Variants in AKT3 observed in about 807,000 individuals in gnomAD.
AKT3 encodes AKT serine/threonine kinase 3, also known as RAC-gamma serine/threonine-protein kinase.
A neutral mutation model predicts 65.3 loss-of-function variants in AKT3; 15 were observed. The observed-to-expected ratio is 0.23, with a 90% CI of 0.15 to 0.35. The LOEUF is 0.35. Among genes scored for constraint, AKT3 ranks in the 10% least tolerant of loss-of-function variants. AKT3 has a pLI of 1.00. For synonymous variants in AKT3, 206 were observed against 183.8 expected (o/e 1.12, Z -0.98); for missense variants, 243 against 576.5 (o/e 0.42, Z 5.92).
At chr1:243,555,987 CCAAA>C (rs1314731996) in intron 10 of AKT3, among the ~76,000 whole-genome samples, 1 of 151,882 alleles carries the variant, frequency 6.6e-6, no homozygotes, top group Non-Finnish European at 1.5e-5. Flanking sequence ...ACACAAATGC[CCAAA>C]CAGAGATGAA....
intron 8 of AKT3, among the ~76,000 whole-genome samples, chr1:243,603,878 T>G (rs2148580987): frequency 6.6e-6 from 1 of 151,734 alleles, no homozygotes; most frequent in African/African-American, 2.4e-5. Context: ...CTTCTAACAC[T>G]GCTTCAATTA....
intron 6 of AKT3, among the ~76,000 whole-genome samples, chr1:243,617,985 T>C (rs535189911): frequency 1.1e-4 from 17 of 152,304 alleles, no homozygotes; most frequent in African/African-American, 4.1e-4. Context: ...TTAAGTGATC[T>C]GGGTCAAGAA....
At chr1:243,606,150 A>G (rs1247956660) in intron 8 of AKT3, among the ~76,000 whole-genome samples, 2 of 152,178 alleles carry the variant, frequency 1.3e-5, no homozygotes, top group Non-Finnish European at 2.9e-5. Flanking sequence ...GCAGCATGAG[A>G]ACAGAGAATG....
chr1:243,809,709 C>A (rs896659021), intron 2 of AKT3, among the ~76,000 whole-genome samples: 6 of 152,196 alleles, frequency 3.9e-5, no homozygotes, highest in Non-Finnish European at 8.8e-5. Context: ...GAACTCTCCA[C>A]CCCAAATCAA....
chr1:243,564,006 G>A (rs549366473), intron 9 of AKT3, among the ~76,000 whole-genome samples, 158 bp from the exon 10 acceptor site: 1 of 152,252 alleles, frequency 6.6e-6, no homozygotes, highest in African/African-American at 2.4e-5. Flanking sequence ...GTTGCTTCAC[G>A]TGTAAAAAGA....
intron 8 of AKT3, among the ~76,000 whole-genome samples, chr1:243,596,547 A>C (rs1393051047): frequency 6.6e-6 from 1 of 152,128 alleles, no homozygotes; most frequent in Non-Finnish European, 1.5e-5. Context: ...ACTCCCACAC[A>C]CTCGTTAGAA....
intron 10 of AKT3, among the ~76,000 whole-genome samples, chr1:243,555,353 C>T (rs1673338678): frequency 6.6e-6 from 1 of 152,156 alleles, no homozygotes; most frequent in African/African-American, 2.4e-5. Flanking sequence ...CAGTATCCTA[C>T]ATGTGGATAC....
At chr1:243,793,049 C>T (rs1175611913) in intron 2 of AKT3, among the ~76,000 whole-genome samples, 1 of 152,158 alleles carries the variant, frequency 6.6e-6, no homozygotes, top group Non-Finnish European at 1.5e-5. Context: ...TCAGGAGTAA[C>T]ACCCGAAGTG....
At chr1:243,638,516 T>G (rs1472630476) in intron 5 of AKT3, among the ~76,000 whole-genome samples, 1 of 152,146 alleles carries the variant, frequency 6.6e-6, no homozygotes, top group Non-Finnish European at 1.5e-5. Flanking sequence ...TTGAAGGCAT[T>G]TGTGCCCTAA....
intron 2 of AKT3, among the ~76,000 whole-genome samples, chr1:243,749,535 A>G (rs189969422): frequency 6.6e-6 from 1 of 152,292 alleles, no homozygotes; most frequent in African/African-American, 2.4e-5. Flanking sequence ...AAAGGAAGTC[A>G]TATACATTCT....
intron 2 of AKT3, among the ~76,000 whole-genome samples, chr1:243,835,768 A>G (rs1260189657): frequency 2.0e-5 from 3 of 152,202 alleles, no homozygotes; most frequent in Non-Finnish European, 4.4e-5. Flanking sequence ...TTAGTGGAAT[A>G]TACTGAAAAA....
rs140783232 is a variant in AKT3 at position 243,545,602 on chromosome 1, G to A, written c.1164-5C>T. On this transcript the variant is annotated splice_polypyrimidine_tract_variant and splice_region_variant and intron_variant, in intron 11 of 13. Coordinates refer to ENST00000673466, the MANE Select transcript of AKT3 (RefSeq NM_005465.7). The stretch of plus-strand genomic sequence containing the variant: ...TCATCTGGTCCTCCACCAAGGCTAT[G>A]AGAACAGAAATAAAATTAAGTAAGT... The A allele has an allele frequency of 4.4e-6, 7 of 1,599,534 alleles. No individual in the cohort carries two copies. In the East Asian group the frequency reaches 1.6e-4, roughly 36 times the overall value.
chr1:243,582,259 C>A (rs1227848458), intron 8 of AKT3, among the ~76,000 whole-genome samples: 2 of 151,562 alleles, frequency 1.3e-5, no homozygotes, highest in Non-Finnish European at 2.9e-5. Context: ...CTGTGAGATA[C>A]TATGCAAAAT....
At chr1:243,724,864 G>A (rs1687113531) in intron 2 of AKT3, among the ~76,000 whole-genome samples, 1 of 152,058 alleles carries the variant, frequency 6.6e-6, no homozygotes, top group Non-Finnish European at 1.5e-5. Context: ...GGCAACTATT[G>A]TTATAAAATA....
intron 2 of AKT3, among the ~76,000 whole-genome samples, chr1:243,821,071 C>T (rs968637821): frequency 2.6e-5 from 4 of 152,152 alleles, no homozygotes; most frequent in South Asian, 2.1e-4. Flanking sequence ...GCCCATCAGA[C>T]AAACAGCAGA....
intron 4 of AKT3, among the ~76,000 whole-genome samples, chr1:243,653,564 A>G (rs145905148): frequency 1.9e-3 from 296 of 152,346 alleles, no homozygotes; most frequent in African/African-American, 6.9e-3. Flanking sequence ...CTTGAAAATA[A>G]CGTCTCTTCT....
chr1:243,524,041 G>A (rs934244470), intron 12 of AKT3, among the ~76,000 whole-genome samples: 1 of 152,184 alleles, frequency 6.6e-6, no homozygotes, highest in African/African-American at 2.4e-5. Context: ...CATATGGGAT[G>A]GCCTACTGCC....
At chr1:243,506,885 CA>C (rs1403588569) in intron 13 of AKT3, among the ~76,000 whole-genome samples, 1 of 152,198 alleles carries the variant, frequency 6.6e-6, no homozygotes, top group Non-Finnish European at 1.5e-5. Flanking sequence ...TCTTTTAGAT[CA>C]AATACCTTCA....
intron 8 of AKT3, among the ~76,000 whole-genome samples, chr1:243,591,212 G>A (rs900148914): frequency 1.9e-4 from 29 of 152,284 alleles, no homozygotes; most frequent in African/African-American, 7.0e-4. Flanking sequence ...CCACTGAAAA[G>A]GACCAGATGA....
Sources: allele counts gnomAD v4.1 joint callset (sites outside exome capture counted in the v4.1 genomes callset), GRCh38; gene constraint gnomAD v4.1.1; transcripts MANE v1.5; gene names NCBI Gene and HGNC (gene_info 2026-07-23, HGNC 2026-07-21).